The following SPATA31F3 variants were observed in gnomAD, a reference collection of about 807,000 sequenced individuals.
The protein encoded by SPATA31F3 is protein SPATA31F3.
chr9:34,889,795 A>C, the SPATA31F3 span, among the ~76,000 whole-genome samples: 5 of 152,134 alleles, frequency 3.3e-5, no homozygotes, highest in Admixed American at 2.0e-4. Flanking sequence ...TCTGAAAAAA[A>C]TTTACCCCTT....
the SPATA31F3 span, among the ~76,000 whole-genome samples, chr9:34,892,464 CT>C: frequency 6.6e-6 from 1 of 152,212 alleles, no homozygotes; most frequent in Non-Finnish European, 1.5e-5. Flanking sequence ...TACAGAACTC[CT>C]CCACAGATCT....
chr9:34,891,499 G>A, the SPATA31F3 span, among the ~76,000 whole-genome samples: 1 of 152,222 alleles, frequency 6.6e-6, no homozygotes, highest in Non-Finnish European at 1.5e-5. Flanking sequence ...TTCTGGTGCT[G>A]CATGCTGGGA....
At chr9:34,893,794 C>A in the SPATA31F3 span, among the ~76,000 whole-genome samples, 1 of 151,966 alleles carries the variant, frequency 6.6e-6, no homozygotes, top group Non-Finnish European at 1.5e-5. Flanking sequence ...CGGAGCCAGG[C>A]GGTTAGCTGA....
the SPATA31F3 span, chr9:34,893,043 C>A: frequency 1.1e-6 from 1 of 938,594 alleles, no homozygotes. Flanking sequence ...TGGTTGTTCT[C>A]ACCTGCCAGC....
the SPATA31F3 span, among the ~76,000 whole-genome samples, chr9:34,891,672 C>A: frequency 6.6e-6 from 1 of 152,196 alleles, no homozygotes; most frequent in Non-Finnish European, 1.5e-5. Flanking sequence ...CTAGCAGCCT[C>A]TGGGCATGGT....
the SPATA31F3 span, chr9:34,889,526 C>G: frequency 2.5e-6 from 1 of 398,590 alleles, no homozygotes. Flanking sequence ...GGGTCACTGT[C>G]TCAGCCTTAG....
the SPATA31F3 span, among the ~76,000 whole-genome samples, chr9:34,890,094 C>G: frequency 1.3e-5 from 2 of 152,202 alleles, no homozygotes; most frequent in Admixed American, 1.3e-4. Context: ...CCTTGCTAGT[C>G]TCTGCTCAAG....
At chr9:34,892,248 G>T in the SPATA31F3 span, among the ~76,000 whole-genome samples, 1 of 152,184 alleles carries the variant, frequency 6.6e-6, no homozygotes, top group African/African-American at 2.4e-5. Context: ...TAATTTTTCT[G>T]CTCTGAGTCC....
At chr9:34,889,813 T>A in the SPATA31F3 span, among the ~76,000 whole-genome samples, 8 of 152,210 alleles carry the variant, frequency 5.3e-5, no homozygotes, top group African/African-American at 4.8e-5. Context: ...CTTCAAATAC[T>A]GTACTTGCAA....
the SPATA31F3 span, chr9:34,894,899 A>G: frequency 2.5e-6 from 1 of 396,856 alleles, no homozygotes; most frequent in Non-Finnish European, 4.4e-6. Flanking sequence ...GAAGTCTTCC[A>G]TGAGAAATTG....
chr9:34,894,366 T>G, the SPATA31F3 span: 41 of 398,280 alleles, frequency 1.0e-4, no homozygotes, highest in African/African-American at 7.8e-4. Context: ...TCTTCTCATC[T>G]CTACCCCAAG....
the SPATA31F3 span, chr9:34,894,469 A>T: frequency 2.5e-6 from 1 of 398,594 alleles, no homozygotes; most frequent in Non-Finnish European, 4.4e-6. Flanking sequence ...AGCTTCCACA[A>T]CTTCTCGGCT....
the SPATA31F3 span, chr9:34,893,103 C>G: frequency 1.1e-6 from 1 of 892,648 alleles, no homozygotes; most frequent in South Asian, 2.2e-5. Flanking sequence ...CAGCAGGGGT[C>G]TGCACACAGG....
At chr9:34,895,691 A>G in the SPATA31F3 span, 4 of 404,834 alleles carry the variant, frequency 9.9e-6, no homozygotes, top group African/African-American at 2.1e-5. Flanking sequence ...GGGATATCCA[A>G]CATCCCACAA....
At chr9:34,890,040 A>G in the SPATA31F3 span, among the ~76,000 whole-genome samples, 3 of 152,202 alleles carry the variant, frequency 2.0e-5, no homozygotes, top group African/African-American at 7.2e-5. Flanking sequence ...AGCAATAGCC[A>G]GTACTGAGAG....
the SPATA31F3 span, among the ~76,000 whole-genome samples, chr9:34,890,715 G>A: frequency 6.6e-6 from 1 of 152,190 alleles, no homozygotes; most frequent in Non-Finnish European, 1.5e-5. Flanking sequence ...GTGAAAATTT[G>A]TTCCCTGGAT....
chr9:34,895,102 T>C, the SPATA31F3 span: 1 of 398,434 alleles, frequency 2.5e-6, no homozygotes, highest in African/African-American at 2.1e-5. Flanking sequence ...ACAAAAACAT[T>C]AGAATGCAAA....
the SPATA31F3 span, among the ~76,000 whole-genome samples, chr9:34,891,054 A>C: frequency 0.033 from 5,037 of 152,180 alleles, 284 homozygotes; most frequent in African/African-American, 0.12. Flanking sequence ...GAGCCACATA[A>C]TAGAGAGCAG....
At chr9:34,890,851 C>T in the SPATA31F3 span, among the ~76,000 whole-genome samples, 27 of 152,306 alleles carry the variant, frequency 1.8e-4, no homozygotes, top group African/African-American at 5.8e-4. Flanking sequence ...GCCTCTCTAG[C>T]GGTACCATCT....
Sources: allele counts gnomAD v4.1 joint callset (sites outside exome capture counted in the v4.1 genomes callset), GRCh38; gene constraint gnomAD v4.1.1; transcripts MANE v1.5; gene names NCBI Gene and HGNC (gene_info 2026-07-23, HGNC 2026-07-21).